Variants in POU2F2 observed in about 807,000 individuals in gnomAD.
POU2F2 encodes the protein POU domain, class 2, transcription factor 2.
POU2F2 carries 14 observed loss-of-function variants against 63.5 expected under a neutral mutation model. The ratio of observed to expected loss-of-function variants is 0.22; its 90% confidence interval spans 0.15 to 0.34. POU2F2 has a LOEUF of 0.34. POU2F2 is among the 10% of genes least tolerant of loss of function. The probability of loss-of-function intolerance (pLI) is 1.00; values close to 1 mark genes in which losing one functional copy is unlikely to be tolerated. For synonymous variants in POU2F2, 306 were observed against 348.6 expected (o/e 0.88, Z 1.36); for missense variants, 607 against 815.2 (o/e 0.74, Z 3.11).
At chr19:42,130,557 A>G (rs1196651346) in intron 1 of POU2F2, among the ~76,000 whole-genome samples, 1 of 152,024 alleles carries the variant, frequency 6.6e-6, no homozygotes, top group Non-Finnish European at 1.5e-5. Flanking sequence ...TGAGGTCCCC[A>G]TTTAACCCCA....
At chr19:42,150,161 G>A (rs1384614490) in intron 2 of POU2F2, among the ~76,000 whole-genome samples, 1 of 151,772 alleles carries the variant, frequency 6.6e-6, no homozygotes, top group Non-Finnish European at 1.5e-5. Flanking sequence ...CTCCCTGCCT[G>A]GTGACCCCAA....
Position 42,090,994 on chromosome 19 carries a change from T to G in POU2F2, c.*263A>C. On this transcript the variant is annotated 3_prime_UTR_variant, in exon 15 of 15. Coordinates refer to ENST00000692977, the MANE Select transcript of POU2F2 (RefSeq NM_001394376.1). This position sits in a 1 kb window ranked among gnomAD's most constrained non-coding sequence, Gnocchi z 4.4. Reference sequence around the variant, plus strand: ...GGTTTTTTTTTTTTTTGGTTTGTTTTTGGTTTTTTTTTGTTTGTTTTTCAC... The same window carrying G: ...GGTTTTTTTTTTTTTTGGTTTGTTTGTGGTTTTTTTTTGTTTGTTTTTCAC... The G allele has an allele frequency of 3.1e-6, 1 of 323,654 alleles. No individual in the cohort carries two copies. The highest frequency in any genetic ancestry group is 5.6e-6 in the Non-Finnish European group (1 of 179,380). The allele number at this position is 323,654 out of a possible 1,614,324, so 20.0% of individuals were successfully genotyped here. A position where few individuals can be genotyped will look rare whatever the true frequency, so the allele number is the denominator to read the frequency against.
chr19:42,122,674 A>C, intron 1 of POU2F2, 98 bp from the exon 2 acceptor site: 3 of 1,134,228 alleles, frequency 2.6e-6, no homozygotes, highest in African/African-American at 1.6e-5. Context: ...TTTCCCCCAA[A>C]TTCCCCCCTT....
At chr19:42,131,471 C>T (rs77866186) in intron 1 of POU2F2, among the ~76,000 whole-genome samples, 14,411 of 152,166 alleles carry the variant, frequency 0.095, 907 homozygotes, top group Middle Eastern at 0.2. Flanking sequence ...GGGCTGAGTG[C>T]TTGCCATGTT....
chr19:42,142,236 G>T (rs1192517171), intron 2 of POU2F2, among the ~76,000 whole-genome samples: 1 of 152,156 alleles, frequency 6.6e-6, no homozygotes, highest in Non-Finnish European at 1.5e-5. Context: ...TGTCACCCAG[G>T]CTGGAGTGCA....
chr19:42,154,598 A>G (rs1364667171), intron 2 of POU2F2, among the ~76,000 whole-genome samples: 3 of 152,170 alleles, frequency 2.0e-5, no homozygotes, highest in African/African-American at 4.8e-5. Context: ...GGCAATGCAC[A>G]GAGAGGAACA....
Position 42,090,880 on chromosome 19 carries a change from G to C in POU2F2, c.*377C>G, listed in dbSNP as rs578044062. 1.2e-5 allele frequency: 2 copies of C among 169,160 alleles called. No individual in the cohort carries two copies. The highest frequency in any genetic ancestry group is 5.9e-5 in the Admixed American group (1 of 16,930). The allele number at this position is 169,160 out of a possible 1,614,324, so 10.5% of individuals were successfully genotyped here. ...CCTGCTGGAGGCTTCTCCGCCCCTG[G>C]CTGGGGTTTTTATTTGGCGTCGTAG... On this transcript the variant is annotated 3_prime_UTR_variant, in exon 15 of 15. Transcript: ENST00000692977. The surrounding 1 kb of genome is among the most constrained non-coding windows in gnomAD (Gnocchi z 4.4).
intron 2 of POU2F2, among the ~76,000 whole-genome samples, chr19:42,138,447 C>A (rs1248787843): frequency 6.6e-6 from 1 of 152,070 alleles, no homozygotes; most frequent in Non-Finnish European, 1.5e-5. Flanking sequence ...AGGTTGAAGA[C>A]CCCAAGGTGG....
intron 1 of POU2F2, among the ~76,000 whole-genome samples, chr19:42,171,604 A>C (rs904404585): frequency 2.0e-5 from 3 of 152,112 alleles, no homozygotes; most frequent in Admixed American, 2.0e-4. Flanking sequence ...GAGCAAGTGG[A>C]ATGTGCCTCT....
At chr19:42,180,736 GTTTGT>G (rs1382216288), upstream of POU2F2, among the ~76,000 whole-genome samples, 1 of 152,048 alleles carries the variant, frequency 6.6e-6, no homozygotes, top group Non-Finnish European at 1.5e-5. Context: ...TTGTTTGTTT[GTTTGT>G]TTTGAGACAG....
At chr19:42,181,882 G>A (rs1474968636) in intron 1 of POU2F2, among the ~76,000 whole-genome samples, 7 of 152,160 alleles carry the variant, frequency 4.6e-5, no homozygotes, top group Non-Finnish European at 1.0e-4. Flanking sequence ...CAACACTCCC[G>A]GCCTTGAACA....
At position 42,096,362 on chromosome 19, in the gene POU2F2, C is replaced by T; in HGVS notation, c.568-119G>A. On this transcript the variant is annotated intron_variant, in intron 7 of 14. Transcript: ENST00000692977. The surrounding 1 kb of genome is among the most constrained non-coding windows in gnomAD (Gnocchi z 4.1). ...CTGCGTTCCATCCGCCGCCTGCAGA[C>T]TCCCCCCGCCTTCCTCCACAAGCAC... 9.7e-7 allele frequency: 1 copy of T among 1,034,566 alleles called. No homozygotes were observed. Among genetic ancestry groups the T allele is most frequent in the Non-Finnish European group, 1.4e-6 (1 of 732,138 alleles). 64.1% of individuals were successfully genotyped at this position (1,034,566 alleles called of 1,614,324 possible). A position where few individuals can be genotyped will look rare whatever the true frequency, so the allele number is the denominator to read the frequency against.
chr19:42,150,075 C>A (rs1455845927), intron 2 of POU2F2, among the ~76,000 whole-genome samples: 2 of 152,188 alleles, frequency 1.3e-5, no homozygotes, highest in Admixed American at 1.3e-4. Context: ...CTGTTCTTGT[C>A]CCCTGCTGGC....
chr19:42,158,266 C>T (rs149456642), intron 2 of POU2F2, among the ~76,000 whole-genome samples: 10 of 152,258 alleles, frequency 6.6e-5, no homozygotes, highest in African/African-American at 2.4e-4. Context: ...CAACAAGTGG[C>T]CCCAGTATTA....
intron 5 of POU2F2, 130 bp from the exon 6 acceptor site, chr19:42,099,951 G>T: frequency 1.4e-6 from 1 of 719,904 alleles, no homozygotes. Context: ...ACTGGGCAGT[G>T]AGGGATCGTC....
At chr19:42,146,032 C>CA (rs1004458482) in intron 2 of POU2F2, among the ~76,000 whole-genome samples, 3,808 of 49,024 alleles carry the variant, frequency 0.078, 202 homozygotes, top group African/African-American at 0.14. Flanking sequence ...GACTCCGTCT[C>CA]AAAAAAAAAA....
chr19:42,188,783 A>C, intron 1 of POU2F2, among the ~76,000 whole-genome samples: 1 of 138,732 alleles, frequency 7.2e-6, no homozygotes, highest in South Asian at 2.5e-4. Context: ...GAGGGAGGGA[A>C]GGAAAGGGAG....
At position 42,153,544 on chromosome 19, in the gene POU2F2, T is replaced by TCTGTGC. The variant is rs1196652225; in HGVS notation, c.-9+6782_-9+6787dup. On this transcript the variant is annotated intron_variant, in intron 2 of 6. Transcript: ENST00000524801. The surrounding 1 kb of genome is among the most constrained non-coding windows in gnomAD (Gnocchi z 5.6). ...TGAGCCTCCATGGGTCCCGTGTGGATCTGTGCCTGTGCCTGTGGGCAGCTG... is the reference window on the plus strand; with the variant it reads ...TGAGCCTCCATGGGTCCCGTGTGGATCTGTGCCTGTGCCTGTGCCTGTGGGCAGCTG... Among the ~76,000 whole-genome samples, 3 of 152,086 alleles carry TCTGTGC rather than the reference T, an allele frequency of 2.0e-5. No individual in the cohort carries two copies. The highest frequency in any genetic ancestry group is 2.9e-5 in the Non-Finnish European group (2 of 67,998).
intron 1 of POU2F2, among the ~76,000 whole-genome samples, chr19:42,190,517 T>C (rs997628747): frequency 6.6e-6 from 1 of 152,002 alleles, no homozygotes; most frequent in African/African-American, 2.4e-5. Context: ...TTCTACCACC[T>C]GGACCACAGT....
Sources: allele counts gnomAD v4.1 joint callset (sites outside exome capture counted in the v4.1 genomes callset), GRCh38; gene constraint gnomAD v4.1.1; non-coding constraint Gnocchi (gnomAD v3.1); transcripts MANE v1.5; gene names NCBI Gene and HGNC (gene_info 2026-07-23, HGNC 2026-07-21).